Variants in BMPER observed in about 807,000 individuals in gnomAD.
BMPER encodes BMP binding endothelial regulator.
A neutral mutation model predicts 87.3 loss-of-function variants in BMPER; 45 were observed. The ratio of observed to expected loss-of-function variants is 0.52; its 90% CI spans 0.41 to 0.66. BMPER has a LOEUF of 0.66. Ranked by LOEUF, BMPER falls within the 30% of genes least tolerant of loss-of-function variation. The pLI is 0.00. For missense variants in BMPER, 784 were observed against 867.5 expected, an observed-to-expected ratio of 0.90 and a Z score of 1.21; for synonymous variants, 326 against 316.2, an observed-to-expected ratio of 1.03 and a Z score of -0.33.
chr7:33,949,857 A>G (rs888524424), intron 3 of BMPER, among the ~76,000 whole-genome samples: 1 of 152,246 alleles, frequency 6.6e-6, no homozygotes, highest in Admixed American at 6.5e-5. Flanking sequence ...ATAAAATGTT[A>G]CAATTCATAG....
intron 2 of BMPER, 121 bp from the exon 3 acceptor site, chr7:33,937,168 C>G: frequency 1.0e-6 from 1 of 981,520 alleles, no homozygotes; most frequent in South Asian, 1.4e-5. Context: ...GCTCTCACAG[C>G]GTCTTCTTGC....
At chr7:33,938,634 G>A (rs1424059429) in intron 3 of BMPER, among the ~76,000 whole-genome samples, 2 of 152,150 alleles carry the variant, frequency 1.3e-5, no homozygotes, top group Admixed American at 6.5e-5. Context: ...GACAATAAAT[G>A]TCTATTGTCC....
chr7:34,065,243 T>TCC (rs1554313035), intron 11 of BMPER, among the ~76,000 whole-genome samples: 33 of 130,372 alleles, frequency 2.5e-4, no homozygotes, highest in East Asian at 6.9e-4. Flanking sequence ...TCTCTCTCTC[T>TCC]CTCTCCCTCT....
chr7:33,930,494 CTT>C (rs1784456633), intron 2 of BMPER, among the ~76,000 whole-genome samples: 2 of 152,210 alleles, frequency 1.3e-5, no homozygotes, highest in African/African-American at 4.8e-5. Context: ...TGAGAACAGA[CTT>C]TGTCCAAAGG....
chr7:34,025,456 C>G, intron 6 of BMPER, among the ~76,000 whole-genome samples: 1 of 151,944 alleles, frequency 6.6e-6, no homozygotes, highest in East Asian at 1.9e-4. Context: ...GAGGGCTGAG[C>G]CTTCTTTTAG....
intron 2 of BMPER, among the ~76,000 whole-genome samples, chr7:33,913,155 T>TGATGTGGG: frequency 6.6e-6 from 1 of 151,940 alleles, no homozygotes; most frequent in East Asian, 1.9e-4. Flanking sequence ...TCTGGGACCG[T>TGATGTGGG]GATGTGGGAG....
At position 34,062,709 on chromosome 7, in the gene BMPER, A is replaced by G. The variant is rs771794823; in HGVS notation, c.1078+662A>G. On this transcript the variant is annotated intron_variant, in intron 11 of 14. Coordinates refer to ENST00000649409, the MANE Select transcript of BMPER (RefSeq NM_001365308.1). ...CTACTGCACACCTAGCCTATATGGT[A>G]TAGCCTGTGGCTTCTAGGCTACAAA... 2.7e-4 allele frequency among the ~76,000 whole-genome samples: 41 copies of G among 152,236 alleles called. 1 individual carries two copies. The highest frequency in any genetic ancestry group is 4.8e-4 in the Non-Finnish European group (33 of 68,044).
intron 3 of BMPER, among the ~76,000 whole-genome samples, chr7:33,951,259 G>T (rs1214170719): frequency 6.6e-6 from 1 of 151,998 alleles, no homozygotes; most frequent in Non-Finnish European, 1.5e-5. Context: ...TGTTGGCCAG[G>T]CTGGTCTTGA....
chr7:33,922,419 TC>T (rs1350458742), intron 2 of BMPER, among the ~76,000 whole-genome samples: 1 of 152,250 alleles, frequency 6.6e-6, no homozygotes, highest in Non-Finnish European at 1.5e-5. Flanking sequence ...GGCTGGCTGT[TC>T]CTCCTCCACG....
intron 13 of BMPER, among the ~76,000 whole-genome samples, chr7:34,091,819 C>T (rs1453178086): frequency 6.6e-6 from 1 of 152,192 alleles, no homozygotes; most frequent in African/African-American, 2.4e-5. Context: ...GAAGACACAG[C>T]TCCAGTTTCA....
intron 13 of BMPER, among the ~76,000 whole-genome samples, chr7:34,089,088 A>G (rs576177213): frequency 6.6e-6 from 1 of 152,198 alleles, no homozygotes; most frequent in African/African-American, 2.4e-5. Context: ...ATTTGATATC[A>G]TTGGTGGAAT....
At chr7:34,059,451 C>T (rs564876782) in intron 10 of BMPER, among the ~76,000 whole-genome samples, 48 of 152,194 alleles carry the variant, frequency 3.2e-4, no homozygotes, top group Admixed American at 2.6e-3. Flanking sequence ...ATTAGCCTTT[C>T]ATCATTGTGG....
rs927476624 is a variant in BMPER at position 34,138,290 on chromosome 7, C to G, written c.1746-4940C>G. ...GTTTAATTGGATTTCAGGGAGGGAA[C>G]TGACCACAGGTCAGTTCTGATCCCA... On this transcript the variant is annotated intron_variant, in intron 13 of 14. Transcript: ENST00000649409. Among the ~76,000 whole-genome samples, 6 of 152,166 alleles carry G rather than the reference C, an allele frequency of 3.9e-5. No homozygotes were observed. In the South Asian group the frequency reaches 1.2e-3, roughly 32 times the overall value.
At chr7:34,014,152 A>C (rs1483153365) in intron 6 of BMPER, among the ~76,000 whole-genome samples, 5 of 151,962 alleles carry the variant, frequency 3.3e-5, no homozygotes, top group Admixed American at 3.3e-4. Flanking sequence ...TAAGCAATTA[A>C]TTAAATGAAA....
chr7:34,016,147 A>G (rs1238598249), intron 6 of BMPER, among the ~76,000 whole-genome samples: 1 of 151,912 alleles, frequency 6.6e-6, no homozygotes, highest in East Asian at 1.9e-4. Flanking sequence ...GGTGGCATTT[A>G]TCATTTATCC....
intron 6 of BMPER, among the ~76,000 whole-genome samples, chr7:34,025,551 C>A (rs1787336609): frequency 6.6e-6 from 1 of 152,006 alleles, no homozygotes; most frequent in Non-Finnish European, 1.5e-5. Context: ...GAAGGAGGAT[C>A]TACCCTTTAG....
chr7:34,006,432 C>T (rs1235116953), intron 6 of BMPER, among the ~76,000 whole-genome samples: 2 of 152,008 alleles, frequency 1.3e-5, no homozygotes, highest in Non-Finnish European at 2.9e-5. Context: ...GAAACACCTT[C>T]CTAAACTCTA....
chr7:34,128,962 C>T (rs1790475797), intron 13 of BMPER, among the ~76,000 whole-genome samples: 1 of 152,132 alleles, frequency 6.6e-6, no homozygotes, highest in Non-Finnish European at 1.5e-5. Context: ...AATTCTCTGA[C>T]TTTTTGTGAG....
At chr7:34,103,682 C>G (rs920821471) in intron 13 of BMPER, among the ~76,000 whole-genome samples, 1 of 152,098 alleles carries the variant, frequency 6.6e-6, no homozygotes, top group African/African-American at 2.4e-5. Flanking sequence ...AATAGCTTCT[C>G]TTTAAAGAAG....
Sources: allele counts gnomAD v4.1 joint callset (sites outside exome capture counted in the v4.1 genomes callset), GRCh38; gene constraint gnomAD v4.1.1; transcripts MANE v1.5; gene names NCBI Gene and HGNC (gene_info 2026-07-23, HGNC 2026-07-21).